Variants in COL5A2 observed in about 807,000 individuals in gnomAD.
The protein encoded by COL5A2 is collagen type V alpha 2 chain.
In COL5A2, 23 loss-of-function variants were observed where a neutral mutation model predicts 208.2. The ratio of observed to expected loss-of-function variants is 0.11; its 90% CI spans 0.08 to 0.16. The LOEUF is 0.16. COL5A2 is among the 10% of genes least tolerant of loss of function. The pLI, the probability that COL5A2 is intolerant of heterozygous loss-of-function variation, is 1.00. For synonymous variants in COL5A2, 625 were observed against 628.5 expected (o/e 0.99, Z 0.08); for missense variants, 1,590 against 1,956.4 (o/e 0.81, Z 3.53).
chr2:189,328,665 T>C, the COL5A2 span, among the ~76,000 whole-genome samples: 1 of 152,210 alleles, frequency 6.6e-6, no homozygotes, highest in Non-Finnish European at 1.5e-5. Flanking sequence ...GTGGAATACA[T>C]GCATAAGAAC....
At chr2:189,056,336 A>T (rs1289013102) in intron 35 of COL5A2, among the ~76,000 whole-genome samples, 1 of 152,204 alleles carries the variant, frequency 6.6e-6, no homozygotes, top group Non-Finnish European at 1.5e-5. Context: ...CTCTTACATG[A>T]GGAAATCATT....
At chr2:189,364,008 T>C in the COL5A2 span, among the ~76,000 whole-genome samples, 1 of 152,112 alleles carries the variant, frequency 6.6e-6, no homozygotes, top group African/African-American at 2.4e-5. Context: ...AAACCAGAAA[T>C]TAGTCTAAGG....
chr2:189,179,942 T>C (rs1014481024), upstream of COL5A2: 3 of 518,014 alleles, frequency 5.8e-6, no homozygotes, highest in African/African-American at 5.7e-5. Context: ...CCCTATTTCA[T>C]TTAACTTTTA....
the COL5A2 span, among the ~76,000 whole-genome samples, chr2:189,374,230 T>C: frequency 5.1e-3 from 778 of 152,212 alleles, 7 homozygotes; most frequent in African/African-American, 0.018. Flanking sequence ...AAGGCACAGG[T>C]TTCTCTAAAT....
chr2:189,257,427 T>C, the COL5A2 span, among the ~76,000 whole-genome samples: 1 of 152,206 alleles, frequency 6.6e-6, no homozygotes, highest in Non-Finnish European at 1.5e-5. Flanking sequence ...AATTTTAATA[T>C]TTTAAGATAT....
At chr2:189,093,434 A>C (rs1444613975) in intron 6 of COL5A2, among the ~76,000 whole-genome samples, 1 of 152,208 alleles carries the variant, frequency 6.6e-6, no homozygotes, top group Non-Finnish European at 1.5e-5. Flanking sequence ...CACAGTAAGC[A>C]ATTCAAATAG....
At chr2:189,403,822 T>C in the COL5A2 span, among the ~76,000 whole-genome samples, 1 of 152,242 alleles carries the variant, frequency 6.6e-6, no homozygotes, top group Non-Finnish European at 1.5e-5. Flanking sequence ...GGTTTGCCAG[T>C]ATTTTGTTCA....
intron 1 of COL5A2, among the ~76,000 whole-genome samples, chr2:189,128,734 A>G (rs1033463605): frequency 3.3e-5 from 5 of 152,066 alleles, no homozygotes; most frequent in Admixed American, 2.6e-4. Flanking sequence ...GATGTGCAAC[A>G]AGAAAACTGT....
rs745871166 is a variant in COL5A2, at chr2:189,080,047, TA to T, written c.907-17del. 4 of 1,606,904 alleles carry T rather than the reference TA, an allele frequency of 2.5e-6. No individual in the cohort carries two copies. Among genetic ancestry groups the T allele is most frequent in the Non-Finnish European group, 2.6e-6 (3 of 1,173,716 alleles). On this transcript the variant is annotated splice_polypyrimidine_tract_variant and intron_variant, in intron 13 of 53. Coordinates refer to ENST00000374866, the MANE Select transcript of COL5A2 (RefSeq NM_000393.5). ...CTTTGTGTCCCTGAGAATAAAAATG[TA>T]AATTTGTATTTGTATCCTGTTTTTT...
chr2:189,225,592 A>G (rs946261528), upstream of COL5A2, among the ~76,000 whole-genome samples: 2 of 152,166 alleles, frequency 1.3e-5, no homozygotes, highest in African/African-American at 4.8e-5. Context: ...TTTCCCATTT[A>G]TAACACAGAG....
the COL5A2 span, among the ~76,000 whole-genome samples, chr2:189,350,554 A>G: frequency 6.6e-6 from 1 of 152,192 alleles, no homozygotes. Context: ...GCCCGTCATG[A>G]TAACATGCAC....
chr2:189,097,283 T>G lies in COL5A2; in HGVS notation c.450A>C (p.Gly150=). The G allele has an allele frequency of 6.2e-7, 1 of 1,614,156 alleles. No homozygotes were observed. The highest frequency in any genetic ancestry group is 8.5e-7 in the Non-Finnish European group (1 of 1,180,014). The change falls in exon 6 of 54, where the codon GGA becomes GGC. Residue 150 remains glycine (G), a synonymous_variant. Transcript: ENST00000374866. ...AGCCCTCCTGTCAACTTACAGGTCT[T>G]CCTTTTGGCCCTCGCTCTCCTCTTG... The part of the protein sequence containing the change: ...QGPRGERGPK[G]RPGPRGPQGI...
chr2:189,042,672 A>G (rs1685585363), intron 49 of COL5A2, 48 bp downstream of exon 49: 1 of 1,549,182 alleles, frequency 6.5e-7, no homozygotes, highest in Admixed American at 1.7e-5. Context: ...GTACATCAAC[A>G]AAGGCATTAT....
chr2:189,347,353 T>C, the COL5A2 span, among the ~76,000 whole-genome samples: 1 of 151,994 alleles, frequency 6.6e-6, no homozygotes, highest in African/African-American at 2.4e-5. Context: ...GTCCCATGAT[T>C]AGGAACAGAA....
At chr2:189,199,693 A>G (rs1437548328) in intron 1 of COL5A2, among the ~76,000 whole-genome samples, 2 of 152,264 alleles carry the variant, frequency 1.3e-5, no homozygotes, top group Non-Finnish European at 2.9e-5. Context: ...TCAGAACCCT[A>G]AGAATCCAAT....
At chr2:189,392,550 C>A in the COL5A2 span, among the ~76,000 whole-genome samples, 1 of 152,116 alleles carries the variant, frequency 6.6e-6, no homozygotes, top group South Asian at 2.1e-4. Flanking sequence ...CTTCCACATG[C>A]ACCTATCTAA....
intron 1 of COL5A2, among the ~76,000 whole-genome samples, chr2:189,219,807 G>T (rs1478470845): frequency 6.6e-6 from 1 of 152,090 alleles, no homozygotes; most frequent in East Asian, 1.9e-4. Context: ...ATAACCCCTG[G>T]CCTAGCATCT....
chr2:189,335,286 A>G, the COL5A2 span, among the ~76,000 whole-genome samples: 1 of 152,056 alleles, frequency 6.6e-6, no homozygotes, highest in Admixed American at 6.5e-5. Flanking sequence ...ACCACAATCA[A>G]CAGATTTTTT....
the COL5A2 span, among the ~76,000 whole-genome samples, chr2:189,238,137 C>G: frequency 6.7e-6 from 1 of 149,734 alleles, no homozygotes; most frequent in Non-Finnish European, 1.5e-5. Context: ...TATGTTTCTC[C>G]TCTTCTGTTT....
Sources: gnomAD v4.1 joint callset for allele counts (sites outside exome capture counted in the v4.1 genomes callset) on GRCh38, gnomAD v4.1.1 for gene constraint, MANE v1.5 for transcripts, NCBI Gene and HGNC (gene_info 2026-07-23, HGNC 2026-07-21) for gene names.